Variants in VSNL1 observed in about 807,000 individuals in gnomAD.
VSNL1 encodes the protein visinin-like protein 1.
VSNL1 carries 6 observed loss-of-function variants against 20.4 expected under a neutral mutation model. That is an observed-to-expected ratio of 0.29 (90% CI 0.16 to 0.58). The LOEUF is 0.58. Ranked by LOEUF, VSNL1 falls within the 20% of genes least tolerant of loss-of-function variation. The probability of loss-of-function intolerance (pLI) is 0.90; values close to 1 mark genes in which losing one functional copy is unlikely to be tolerated. For synonymous variants in VSNL1, 93 were observed against 86.4 expected (o/e 1.08, Z -0.42); for missense variants, 100 against 234.5 (o/e 0.43, Z 3.75).
At chr2:17,609,696 C>G (rs1474744798) in intron 2 of VSNL1, among the ~76,000 whole-genome samples, 1 of 152,202 alleles carries the variant, frequency 6.6e-6, no homozygotes, top group African/African-American at 2.4e-5. Context: ...CTGACAGCTT[C>G]CCCAGGGCTT....
At chr2:17,570,057 A>G (rs1043887446) in intron 1 of VSNL1, among the ~76,000 whole-genome samples, 5 of 152,362 alleles carry the variant, frequency 3.3e-5, no homozygotes, top group African/African-American at 1.2e-4. Flanking sequence ...TAAAGGAGAC[A>G]TTTTGAAATC....
At chr2:17,552,040 ATACAAAAAAAT>A in intron 1 of VSNL1, among the ~76,000 whole-genome samples, 1 of 103,758 alleles carries the variant, frequency 9.6e-6, no homozygotes, top group South Asian at 5.9e-4. Context: ...CTCCTAAAAA[ATACAAAAAAAT>A]TAGCAGGGCG....
At chr2:17,560,253 G>A (rs1006999752) in intron 1 of VSNL1, among the ~76,000 whole-genome samples, 5 of 150,406 alleles carry the variant, frequency 3.3e-5, no homozygotes, top group Non-Finnish European at 5.9e-5. Context: ...TTTTATTTTA[G>A]GCATGCATTT....
intron 2 of VSNL1, among the ~76,000 whole-genome samples, chr2:17,595,889 A>G (rs1431832560): frequency 6.6e-6 from 1 of 152,108 alleles, no homozygotes; most frequent in African/African-American, 2.4e-5. Flanking sequence ...ATCTTTTGAG[A>G]CTTGCTTTTT....
intron 2 of VSNL1, among the ~76,000 whole-genome samples, chr2:17,622,588 GAAAGAAAGAAAGA>G (rs1159411378): frequency 8.0e-6 from 1 of 125,590 alleles, no homozygotes; most frequent in African/African-American, 2.9e-5. Flanking sequence ...AAGAAAGAAA[GAAAGAAAGAAAGA>G]AAAGAAAGAA....
rs146113368 is a variant in VSNL1 at position 17,655,266 on chromosome 2, C to A, written c.448C>A (p.Arg150=). ...TGAGGATGGCCTGACGCCTGAGCAG[C>A]GAGTAGACAAGATTTTCAGCAAGAT... ...MNEDGLTPEQ[R]VDKIFSKMDK... Residue 150 remains arginine, a synonymous_variant, in exon 4 of 4, where the codon CGA becomes AGA. Transcript: ENST00000295156. The surrounding 1 kb of genome is among the most constrained non-coding windows in gnomAD (Gnocchi z 5.2). The A allele has an allele frequency of 9.9e-6, 16 of 1,613,900 alleles. No homozygotes were observed. Among genetic ancestry groups the A allele is most frequent in the African/African-American group, 1.3e-5 (1 of 74,870 alleles).
intron 1 of VSNL1, among the ~76,000 whole-genome samples, chr2:17,545,489 A>G (rs1320629686): frequency 6.6e-6 from 1 of 152,178 alleles, no homozygotes; most frequent in Non-Finnish European, 1.5e-5. Flanking sequence ...AAAAGAGGGA[A>G]TATAAATCTA....
chr2:17,610,465 C>T (rs750148285), intron 2 of VSNL1, among the ~76,000 whole-genome samples: 26 of 152,158 alleles, frequency 1.7e-4, no homozygotes, highest in Non-Finnish European at 3.5e-4. Context: ...TATAGTGAAC[C>T]AGGTGGTGAT....
intron 1 of VSNL1, among the ~76,000 whole-genome samples, chr2:17,573,648 G>A (rs1664131264): frequency 6.6e-6 from 1 of 152,140 alleles, no homozygotes; most frequent in Non-Finnish European, 1.5e-5. Flanking sequence ...ACAGAGATGA[G>A]GTCCTGCCCA....
chr2:17,612,997 T>C (rs1337622481), intron 2 of VSNL1, among the ~76,000 whole-genome samples: 1 of 152,126 alleles, frequency 6.6e-6, no homozygotes, highest in Non-Finnish European at 1.5e-5. Context: ...TCTCCTCAGC[T>C]CCTCCTCACC....
chr2:17,622,947 T>C (rs1220776288), intron 2 of VSNL1, among the ~76,000 whole-genome samples: 1 of 150,160 alleles, frequency 6.7e-6, no homozygotes, highest in Non-Finnish European at 1.5e-5. Context: ...CAAACCACCC[T>C]GGGCAGGTTC....
intron 2 of VSNL1, among the ~76,000 whole-genome samples, chr2:17,596,792 G>A (rs1253998906): frequency 6.6e-6 from 1 of 152,170 alleles, no homozygotes; most frequent in African/African-American, 2.4e-5. Flanking sequence ...ATTCCTAGCT[G>A]TGTTACATTT....
At chr2:17,569,312 A>AAT (rs1382742319) in intron 1 of VSNL1, among the ~76,000 whole-genome samples, 1 of 151,372 alleles carries the variant, frequency 6.6e-6, no homozygotes. Flanking sequence ...GTCTCAAAAA[A>AAT]AAAATAAAAA....
intron 1 of VSNL1, among the ~76,000 whole-genome samples, chr2:17,550,682 C>T (rs1663513481): frequency 6.6e-6 from 1 of 152,154 alleles, no homozygotes; most frequent in South Asian, 2.1e-4. Flanking sequence ...ACAGGAGAAA[C>T]TAAAGAGACC....
chr2:17,546,444 G>A (rs1250214966), intron 1 of VSNL1, among the ~76,000 whole-genome samples: 3 of 151,500 alleles, frequency 2.0e-5, no homozygotes, highest in African/African-American at 7.3e-5. Flanking sequence ...CATGTTAAAC[G>A]TACTTTGAAA....
intron 1 of VSNL1, among the ~76,000 whole-genome samples, chr2:17,558,080 T>C (rs768516306): frequency 5.9e-5 from 9 of 152,046 alleles, no homozygotes; most frequent in Admixed American, 2.0e-4. Flanking sequence ...AGGAATTAGA[T>C]AGACAAAGGG....
intron 3 of VSNL1, among the ~76,000 whole-genome samples, chr2:17,653,441 T>C (rs981451598): frequency 9.2e-5 from 14 of 152,216 alleles, no homozygotes; most frequent in South Asian, 4.1e-4. Flanking sequence ...GTACGGGCCA[T>C]TTGTCTCTTT....
At chr2:17,544,592 G>A (rs537534996) in intron 1 of VSNL1, among the ~76,000 whole-genome samples, 5 of 152,254 alleles carry the variant, frequency 3.3e-5, no homozygotes, top group Admixed American at 2.6e-4. Context: ...TTGTGGAGAG[G>A]CTCCCTAGGG....
chr2:17,556,548 T>C (rs1347757147), intron 1 of VSNL1, among the ~76,000 whole-genome samples: 5 of 152,158 alleles, frequency 3.3e-5, no homozygotes, highest in Admixed American at 2.0e-4. Context: ...ATAGTCCTTG[T>C]ACAGATTAGA....
Sources: gnomAD v4.1 joint callset for allele counts (sites outside exome capture counted in the v4.1 genomes callset) on GRCh38, gnomAD v4.1.1 for gene constraint, Gnocchi (gnomAD v3.1) non-coding constraint, MANE v1.5 for transcripts, NCBI Gene and HGNC (gene_info 2026-07-23, HGNC 2026-07-21) for gene names.